Variants in FUT8 observed in about 807,000 individuals in gnomAD.
FUT8 encodes the protein fucosyltransferase 8.
FUT8 carries 29 observed loss-of-function variants against 71.3 expected under a neutral mutation model. That is an observed-to-expected ratio of 0.41 (90% CI 0.30 to 0.55). The LOEUF is 0.55. Ranked by LOEUF, FUT8 falls within the 20% of genes least tolerant of loss-of-function variation. FUT8 has a pLI of 0.34. For missense variants in FUT8, 544 were observed against 702.1 expected (o/e 0.77, Z 2.55); for synonymous variants, 254 against 239.3 (o/e 1.06, Z -0.57).
chr14:65,518,032 T>A (rs1882829111), intron 2 of FUT8, among the ~76,000 whole-genome samples: 1 of 152,234 alleles, frequency 6.6e-6, no homozygotes, highest in Non-Finnish European at 1.5e-5. Flanking sequence ...CTTTTTCTTC[T>A]CTTTCAGAGT....
At chr14:65,437,983 A>T (rs946701363) in intron 1 of FUT8, among the ~76,000 whole-genome samples, 4 of 152,178 alleles carry the variant, frequency 2.6e-5, no homozygotes, top group African/African-American at 9.6e-5. Flanking sequence ...TGTTGGTTTC[A>T]TACCTCTGTA....
At chr14:65,421,146 T>C (rs2065287232) in intron 1 of FUT8, among the ~76,000 whole-genome samples, 1 of 146,338 alleles carries the variant, frequency 6.8e-6, no homozygotes, top group South Asian at 2.1e-4. Context: ...TGAGCCAAGG[T>C]TGTGTCACTG....
Position 65,733,367 on chromosome 14 carries a change from A to C in FUT8, c.1396A>C (p.Thr466Pro), listed in dbSNP as rs759256871. The C allele has an allele frequency of 6.3e-7, 1 of 1,590,102 alleles. No individual in the cohort carries two copies. The highest frequency in any genetic ancestry group is 8.5e-7 in the Non-Finnish European group (1 of 1,169,590). Residue 466 changes from threonine to proline, a missense_variant, in exon 10 of 11, where the codon ACT (threonine) becomes CCT (proline). Coordinates refer to ENST00000673929, the MANE Select transcript of FUT8 (RefSeq NM_001371533.1). ...FLSQADFLVC[T>P]FSSQVCRVAY... is the part of the protein sequence containing the mutation. The stretch of plus-strand genomic sequence containing the variant: ...CTCTCAGGCAGACTTCCTAGTGTGT[A>C]CTTTTTCATCCCAGGTAAGTGTCAG...
chr14:65,700,145 G>A (rs1222723582), intron 7 of FUT8, among the ~76,000 whole-genome samples: 1 of 152,014 alleles, frequency 6.6e-6, no homozygotes, highest in Non-Finnish European at 1.5e-5. Context: ...AGAGCATTTT[G>A]GGTTATATCA....
At chr14:65,468,216 C>G in intron 2 of FUT8, 1 of 627,626 alleles carries the variant, frequency 1.6e-6, no homozygotes, top group Non-Finnish European at 3.0e-6. Context: ...TACCCATTCC[C>G]TTGATGTCTA....
chr14:65,456,102 C>T (rs546029769), intron 2 of FUT8, among the ~76,000 whole-genome samples: 2 of 152,142 alleles, frequency 1.3e-5, no homozygotes, highest in Non-Finnish European at 2.9e-5. Context: ...TAAAGGTATT[C>T]TTGTCCAGAT....
the FUT8 span, among the ~76,000 whole-genome samples, chr14:65,393,951 C>G: frequency 6.6e-6 from 1 of 151,980 alleles, no homozygotes; most frequent in Non-Finnish European, 1.5e-5. Flanking sequence ...GGGGGTTTCC[C>G]CTTATCATTA....
intron 6 of FUT8, among the ~76,000 whole-genome samples, chr14:65,653,417 G>A (rs1229905526): frequency 2.0e-5 from 3 of 152,032 alleles, no homozygotes; most frequent in Non-Finnish European, 4.4e-5. Flanking sequence ...CCTTTATAAA[G>A]ATATGTTTAA....
At chr14:65,659,475 C>T (rs1022792809) in intron 6 of FUT8, among the ~76,000 whole-genome samples, 1 of 152,158 alleles carries the variant, frequency 6.6e-6, no homozygotes, top group African/African-American at 2.4e-5. Context: ...AAAACTCTGA[C>T]TTTTATTTAA....
chr14:65,637,561 G>A (rs886234570), intron 6 of FUT8, among the ~76,000 whole-genome samples: 2 of 152,062 alleles, frequency 1.3e-5, no homozygotes, highest in South Asian at 2.1e-4. Flanking sequence ...GGTGAATAAA[G>A]TATGTAAAAA....
At chr14:65,711,090 C>G (rs1228101308) in intron 7 of FUT8, among the ~76,000 whole-genome samples, 1 of 152,202 alleles carries the variant, frequency 6.6e-6, no homozygotes, top group Non-Finnish European at 1.5e-5. Flanking sequence ...GGCCCCACCT[C>G]CAGCACTCCA....
rs879281017 is a variant in FUT8, at chr14:65,629,857, C to CACACACAA, written c.597+252_597+253insCACACAAA. Among the ~76,000 whole-genome samples, 13 of 143,982 alleles carry CACACACAA rather than the reference C, an allele frequency of 9.0e-5. 1 individual carries two copies. Among genetic ancestry groups the CACACACAA allele is most frequent in the Non-Finnish European group, 1.5e-4 (10 of 65,100 alleles). 94.5% of individuals were successfully genotyped at this position (143,982 alleles called of 152,430 possible). ...ACACACACACACACACACACACACA[C>CACACACAA]AATACAATACAAATATAACATCTTA... On this transcript the variant is annotated intron_variant, in intron 6 of 10. Transcript: ENST00000673929.
chr14:65,681,683 T>C (rs551293456), intron 7 of FUT8, among the ~76,000 whole-genome samples: 1 of 152,354 alleles, frequency 6.6e-6, no homozygotes, highest in African/African-American at 2.4e-5. Context: ...ATTCAGTGAA[T>C]ATACTGAGTA....
intron 7 of FUT8, among the ~76,000 whole-genome samples, chr14:65,692,146 C>T (rs1893646964): frequency 6.6e-6 from 1 of 152,020 alleles, no homozygotes; most frequent in Admixed American, 6.5e-5. Flanking sequence ...GGTGGCCGGG[C>T]AGAGGGGCTC....
intron 9 of FUT8, among the ~76,000 whole-genome samples, chr14:65,731,420 T>G (rs1895973418): frequency 6.6e-6 from 1 of 152,200 alleles, no homozygotes; most frequent in Non-Finnish European, 1.5e-5. Context: ...TCCCAGTATC[T>G]GAAACCTCAA....
chr14:65,664,830 T>G (rs561686816), intron 6 of FUT8, among the ~76,000 whole-genome samples: 2 of 152,278 alleles, frequency 1.3e-5, no homozygotes, highest in South Asian at 4.1e-4. Flanking sequence ...CTTCTGTTCT[T>G]GGAATTACCC....
At chr14:65,419,498 TACTC>T (rs2065263621) in intron 1 of FUT8, among the ~76,000 whole-genome samples, 1 of 152,214 alleles carries the variant, frequency 6.6e-6, no homozygotes, top group Non-Finnish European at 1.5e-5. Context: ...GGATTTGACT[TACTC>T]AATTTCTCCA....
chr14:65,700,381 GTTTTTTTTTTT>G (rs763718984), intron 7 of FUT8, among the ~76,000 whole-genome samples: 5 of 48,848 alleles, frequency 1.0e-4, no homozygotes, highest in Admixed American at 3.3e-4. Flanking sequence ...CTTTCTTTCT[GTTTTTTTTTTT>G]TTTTTTTTTT....
chr14:65,458,010 G>A (rs1180415562), intron 2 of FUT8: 5 of 151,806 alleles, frequency 3.3e-5, no homozygotes, highest in Admixed American at 1.3e-4. Flanking sequence ...GTGAAACCCC[G>A]TCTCTACTAA....
Sources: allele counts gnomAD v4.1 joint callset (sites outside exome capture counted in the v4.1 genomes callset), GRCh38; gene constraint gnomAD v4.1.1; transcripts MANE v1.5; gene names NCBI Gene and HGNC (gene_info 2026-07-23, HGNC 2026-07-21).